Variants in RANBP2 observed in about 807,000 individuals in gnomAD.
RANBP2 encodes the protein E3 SUMO-protein ligase RanBP2.
RANBP2 carries 57 observed loss-of-function variants against 303.6 expected under a neutral mutation model. The ratio of observed to expected loss-of-function variants is 0.19; its 90% CI spans 0.15 to 0.23. RANBP2 has a LOEUF of 0.23. Ranked by LOEUF, RANBP2 falls within the 10% of genes least tolerant of loss-of-function variation. RANBP2 has a pLI of 1.00. For missense variants in RANBP2, 3,138 were observed against 3,780.8 expected (o/e 0.83, Z 4.46); for synonymous variants, 1,167 against 1,301.5 (o/e 0.90, Z 2.23).
the RANBP2 span, among the ~76,000 whole-genome samples, chr2:109,210,436 C>G: frequency 5.3e-5 from 8 of 152,228 alleles, no homozygotes; most frequent in African/African-American, 1.9e-4. Context: ...AGTGAGGCTA[C>G]ATGTTGTTTT....
chr2:109,134,431 G>C, the RANBP2 span, among the ~76,000 whole-genome samples: 2 of 152,180 alleles, frequency 1.3e-5, no homozygotes. Context: ...GTCCTGTTCA[G>C]AAGGCCCCTG....
chr2:109,097,260 C>T, the RANBP2 span, among the ~76,000 whole-genome samples: 18 of 152,116 alleles, frequency 1.2e-4, no homozygotes, highest in East Asian at 2.7e-3. Context: ...GGTGAGATCG[C>T]GCCACTGCAC....
the RANBP2 span, among the ~76,000 whole-genome samples, chr2:109,002,824 C>T: frequency 6.6e-6 from 1 of 152,350 alleles, no homozygotes; most frequent in South Asian, 2.1e-4. Flanking sequence ...CTGTTCTCCA[C>T]TTCTAGGCTC....
chr2:108,967,981 C>T, the RANBP2 span, among the ~76,000 whole-genome samples: 2 of 152,160 alleles, frequency 1.3e-5, no homozygotes, highest in African/African-American at 4.8e-5. Flanking sequence ...AGCTCATGCA[C>T]ACAGAACAGG....
chr2:108,988,709 ATT>A, the RANBP2 span, among the ~76,000 whole-genome samples: 2 of 152,174 alleles, frequency 1.3e-5, no homozygotes, highest in African/African-American at 4.8e-5. Flanking sequence ...CACACACAGA[ATT>A]TGTCTCCCTA....
the RANBP2 span, among the ~76,000 whole-genome samples, chr2:109,187,697 C>G: frequency 6.6e-6 from 1 of 152,204 alleles, no homozygotes; most frequent in African/African-American, 2.4e-5. Context: ...CACCCAAGGA[C>G]TCATTTTTCA....
the RANBP2 span, among the ~76,000 whole-genome samples, chr2:109,729,445 G>A: frequency 1.3e-5 from 2 of 152,054 alleles, no homozygotes; most frequent in Non-Finnish European, 2.9e-5. Context: ...TCAGGAATTC[G>A]AGCCCAGCCT....
At chr2:109,696,124 T>C in the RANBP2 span, among the ~76,000 whole-genome samples, 1 of 151,774 alleles carries the variant, frequency 6.6e-6, no homozygotes, top group Non-Finnish European at 1.5e-5. Context: ...CCACCATGCC[T>C]GGCTAATTTT....
the RANBP2 span, chr2:108,910,618 G>C: frequency 7.0e-7 from 1 of 1,421,328 alleles, no homozygotes; most frequent in Non-Finnish European, 9.9e-7. Context: ...CTTCCTGTTG[G>C]GCAGAGCTGC....
chr2:109,490,925 G>T, the RANBP2 span: 2 of 1,498,990 alleles, frequency 1.3e-6, no homozygotes, highest in East Asian at 2.5e-5. Flanking sequence ...CCAAGCTGTT[G>T]CCCAGAGAGA....
the RANBP2 span, among the ~76,000 whole-genome samples, chr2:109,296,784 G>A: frequency 6.6e-6 from 1 of 152,116 alleles, no homozygotes; most frequent in Non-Finnish European, 1.5e-5. Flanking sequence ...GTGGGAATAG[G>A]CAGTGGTCAG....
chr2:108,777,398 G>A (rs17020526), intron 25 of RANBP2, among the ~76,000 whole-genome samples, 167 bp downstream of exon 25: 9,006 of 144,598 alleles, frequency 0.062, 317 homozygotes, highest in South Asian at 0.15. Flanking sequence ...ATTTTTTGAC[G>A]TCAATATAAT....
the RANBP2 span, chr2:109,449,162 G>C: frequency 6.2e-7 from 1 of 1,612,330 alleles, no homozygotes; most frequent in Non-Finnish European, 8.5e-7. Flanking sequence ...CTCCAACCCC[G>C]TCTCCAGCTG....
the RANBP2 span, among the ~76,000 whole-genome samples, chr2:109,192,543 C>T: frequency 6.6e-6 from 1 of 152,078 alleles, no homozygotes; most frequent in African/African-American, 2.4e-5. Flanking sequence ...ATTTCTATGC[C>T]TGTGCCAGCG....
the RANBP2 span, among the ~76,000 whole-genome samples, chr2:108,824,130 A>G: frequency 7.9e-5 from 12 of 150,950 alleles, no homozygotes; most frequent in East Asian, 7.8e-4. Flanking sequence ...AAATTTTATA[A>G]ACAGTATGCA....
At chr2:108,972,112 C>A in the RANBP2 span, among the ~76,000 whole-genome samples, 1,610 of 152,362 alleles carry the variant, frequency 0.011, 10 homozygotes, top group Non-Finnish European at 0.016. Context: ...AACCACCCAG[C>A]GGAGCCGCTC....
chr2:109,567,435 C>T, the RANBP2 span, among the ~76,000 whole-genome samples: 1 of 152,124 alleles, frequency 6.6e-6, no homozygotes, highest in African/African-American at 2.4e-5. Context: ...AAGAGACCTC[C>T]TTAAAGATTT....
chr2:109,336,178 A>C, the RANBP2 span, among the ~76,000 whole-genome samples: 8 of 152,232 alleles, frequency 5.3e-5, no homozygotes, highest in Non-Finnish European at 8.8e-5. Context: ...TGGGAAGTTC[A>C]AAAATCACCA....
the RANBP2 span, among the ~76,000 whole-genome samples, chr2:109,693,920 A>G: frequency 6.6e-6 from 1 of 152,200 alleles, no homozygotes. Context: ...TCAGATATTC[A>G]GGGTCCACAG....
Sources: gnomAD v4.1 joint callset for allele counts (sites outside exome capture counted in the v4.1 genomes callset) on GRCh38, gnomAD v4.1.1 for gene constraint, MANE v1.5 for transcripts, NCBI Gene and HGNC (gene_info 2026-07-23, HGNC 2026-07-21) for gene names.